The following NEIL3 variants were observed in gnomAD, a reference collection of about 807,000 sequenced individuals.
NEIL3 encodes endonuclease 8-like 3.
NEIL3 carries 48 observed loss-of-function variants against 57.5 expected under a neutral mutation model. The ratio of observed to expected loss-of-function variants is 0.83; its 90% CI spans 0.66 to 1.06. The LOEUF (loss-of-function observed/expected upper bound fraction) is 1.06. Ranked by LOEUF, NEIL3 falls within the 50% of genes least tolerant of loss-of-function variation. The pLI is 0.00. For missense variants in NEIL3, 717 were observed against 739.1 expected (o/e 0.97, Z 0.35); for synonymous variants, 261 against 253.2 (o/e 1.03, Z -0.29).
intron 6 of NEIL3, among the ~76,000 whole-genome samples, chr4:177,343,935 T>C (rs1039452875): frequency 1.4e-4 from 22 of 152,116 alleles, no homozygotes; most frequent in African/African-American, 4.8e-4. Flanking sequence ...ATCTTCAATA[T>C]ATATTTGTCT....
intron 8 of NEIL3, 37 bp downstream of exon 8, chr4:177,353,765 CTTTT>C (rs377620463): frequency 6.1e-4 from 734 of 1,211,710 alleles, no homozygotes; most frequent in Admixed American, 8.3e-4. Context: ...AAGATAATTG[CTTTT>C]TTTTTTTTTT....
At chr4:177,324,555 C>T (rs1293968666) in intron 2 of NEIL3, among the ~76,000 whole-genome samples, 1 of 152,058 alleles carries the variant, frequency 6.6e-6, no homozygotes, top group Non-Finnish European at 1.5e-5. Context: ...TTCAAGTGCT[C>T]CTGATAGTGC....
At chr4:177,324,102 CA>C (rs1437145673) in intron 2 of NEIL3, among the ~76,000 whole-genome samples, 1 of 152,078 alleles carries the variant, frequency 6.6e-6, no homozygotes, top group African/African-American at 2.4e-5. Context: ...AACAGAAGTT[CA>C]AAAAATGTAC....
intron 2 of NEIL3, among the ~76,000 whole-genome samples, chr4:177,327,851 T>C (rs1297550452): frequency 6.6e-6 from 1 of 152,236 alleles, no homozygotes; most frequent in East Asian, 1.9e-4. Context: ...TCTATATTGA[T>C]TGATTTTTAA....
chr4:177,339,114 G>A (rs867612), intron 4 of NEIL3, among the ~76,000 whole-genome samples: 32,003 of 152,018 alleles, frequency 0.21, 3,664 homozygotes, highest in Non-Finnish European at 0.27. Context: ...ACAGGAATTG[G>A]GGTGCTAACC....
At chr4:177,369,506 T>C in the NEIL3 span, among the ~76,000 whole-genome samples, 1 of 152,086 alleles carries the variant, frequency 6.6e-6, no homozygotes, top group South Asian at 2.1e-4. Flanking sequence ...ACTCTCTCCT[T>C]AAGGAGCCCA....
chr4:177,339,397 C>A (rs1735041830), intron 4 of NEIL3, among the ~76,000 whole-genome samples: 1 of 152,170 alleles, frequency 6.6e-6, no homozygotes, highest in South Asian at 2.1e-4. Flanking sequence ...TTTGAAGCTG[C>A]AGTGAGCTAT....
chr4:177,337,425 A>C (rs1374424799), intron 4 of NEIL3, among the ~76,000 whole-genome samples: 1 of 152,222 alleles, frequency 6.6e-6, no homozygotes, highest in African/African-American at 2.4e-5. Flanking sequence ...AGTAGGAATG[A>C]AGCTTTAAAA....
intron 1 of NEIL3, among the ~76,000 whole-genome samples, chr4:177,315,529 G>A (rs907689060): frequency 2.6e-4 from 40 of 152,218 alleles, no homozygotes; most frequent in Admixed American, 1.3e-4. Context: ...TATAGTCATA[G>A]CAAAGATAAC....
At chr4:177,341,753 C>A in intron 6 of NEIL3, 111 bp downstream of exon 6, 1 of 929,176 alleles carries the variant, frequency 1.1e-6, no homozygotes, top group Non-Finnish European at 1.5e-6. Flanking sequence ...GAGAACGTGA[C>A]TCAAAAGTAT....
chr4:177,335,588 T>A, intron 2 of NEIL3, 100 bp from the exon 3 acceptor site: 1 of 1,056,506 alleles, frequency 9.5e-7, no homozygotes. Context: ...CTGACTAACA[T>A]TTGTTTGCTT....
intron 8 of NEIL3, among the ~76,000 whole-genome samples, chr4:177,356,331 A>G (rs1417995235): frequency 1.3e-5 from 2 of 152,196 alleles, no homozygotes; most frequent in Non-Finnish European, 2.9e-5. Context: ...ATCACAGTGC[A>G]CAGCATTACT....
intron 4 of NEIL3, among the ~76,000 whole-genome samples, chr4:177,337,082 T>G (rs1474131914): frequency 6.6e-6 from 1 of 151,432 alleles, no homozygotes. Flanking sequence ...CTTGAACTTA[T>G]TTATATGTTG....
At chr4:177,354,252 GT>G (rs33963327) in intron 8 of NEIL3, 163 of 147,276 alleles carry the variant, frequency 1.1e-3, no homozygotes, top group East Asian at 4.0e-3. Flanking sequence ...GAAAAGTTGG[GT>G]TTTTTTTTTT....
chr4:177,357,305 G>A (rs960934453), intron 8 of NEIL3, among the ~76,000 whole-genome samples: 2 of 152,116 alleles, frequency 1.3e-5, no homozygotes, highest in African/African-American at 4.8e-5. Flanking sequence ...TGGGCTGGAC[G>A]GCTTTGAATG....
chr4:177,351,393 A>G lies in NEIL3; in HGVS notation c.883A>G (p.Arg295Gly), dbSNP rs373982743. Residue 295 changes from arginine (R) to glycine (G), a missense_variant, in exon 7 of 10, where the codon AGA becomes GGA. By Grantham distance (125) the Arg-to-Gly change is moderately radical. Coordinates refer to ENST00000264596, the MANE Select transcript of NEIL3 (RefSeq NM_018248.3). The stretch of plus-strand genomic sequence containing the variant: ...ATTATCTTATAGCAAGCTACCGACT[A>G]GAAATACTATAATCAGTTGGACATC... ...QHVDICKLPT[R>G]NTIISWTSSR... 5.6e-6 allele frequency: 9 copies of G among 1,608,224 alleles called. No individual in the cohort carries two copies. In the African/African-American group the frequency reaches 1.2e-4, roughly 22 times the overall value.
intron 1 of NEIL3, among the ~76,000 whole-genome samples, chr4:177,318,621 C>G (rs1734618736): frequency 2.6e-5 from 4 of 152,132 alleles, no homozygotes; most frequent in African/African-American, 9.7e-5. Context: ...TCTGTCATTC[C>G]TTTTGCCTGG....
chr4:177,315,462 C>T (rs1393351602), intron 1 of NEIL3, among the ~76,000 whole-genome samples: 1 of 152,086 alleles, frequency 6.6e-6, no homozygotes, highest in Admixed American at 6.5e-5. Flanking sequence ...TCAAATAATA[C>T]AGTAATGGAT....
Position 177,309,881 on chromosome 4 carries a change from G to T in NEIL3, c.-73G>T. 6.5e-7 allele frequency: 1 copy of T among 1,532,164 alleles called. No homozygotes were observed. Among genetic ancestry groups the T allele is most frequent in the Non-Finnish European group, 8.8e-7 (1 of 1,141,342 alleles). 94.9% of individuals were successfully genotyped at this position (1,532,164 alleles called of 1,614,324 possible). A position where few individuals can be genotyped will look rare whatever the true frequency, so the allele number is the denominator to read the frequency against. On this transcript the variant is annotated 5_prime_UTR_variant, in exon 1 of 10. Coordinates refer to ENST00000264596, the MANE Select transcript of NEIL3 (RefSeq NM_018248.3). ...TTTCCTCTGCGTGCGGTCAGTGCCC[G>T]CGCAGCGTTGAGTTGCACAGCGGTA... is the stretch of plus-strand genomic sequence containing the variant.
Sources: allele counts gnomAD v4.1 joint callset (sites outside exome capture counted in the v4.1 genomes callset), GRCh38; gene constraint gnomAD v4.1.1; transcripts MANE v1.5; gene names NCBI Gene and HGNC (gene_info 2026-07-23, HGNC 2026-07-21).